KSR2: variants seen among roughly 807,000 people sequenced by gnomAD.
KSR2 encodes kinase suppressor of ras 2.
In KSR2, 25 loss-of-function variants were observed where a neutral mutation model predicts 107.8. That is an observed-to-expected ratio of 0.23 (90% CI 0.17 to 0.32). The LOEUF is 0.32. Ranked by LOEUF, KSR2 falls within the 10% of genes least tolerant of loss-of-function variation. The pLI is 1.00. For missense variants in KSR2, 887 were observed against 1,268.9 expected, an observed-to-expected ratio of 0.70 and a Z score of 4.57; for synonymous variants, 480 against 507.0, an observed-to-expected ratio of 0.95 and a Z score of 0.71.
At chr12:117,692,711 T>C (rs1207070076) in intron 4 of KSR2, among the ~76,000 whole-genome samples, 1 of 151,894 alleles carries the variant, frequency 6.6e-6, no homozygotes, top group Non-Finnish European at 1.5e-5. Context: ...CAATGGAATA[T>C]TAGCCACCCA....
At chr12:117,827,811 T>C (rs1891814113) in intron 3 of KSR2, among the ~76,000 whole-genome samples, 1 of 152,202 alleles carries the variant, frequency 6.6e-6, no homozygotes, top group African/African-American at 2.4e-5. Context: ...TAGAAGGTGA[T>C]GAAAGCACAG....
intron 10 of KSR2, among the ~76,000 whole-genome samples, chr12:117,539,014 G>C (rs968174630): frequency 6.6e-6 from 1 of 152,192 alleles, no homozygotes; most frequent in Admixed American, 6.5e-5. Context: ...TAATGACAAA[G>C]GAGGTCAGGA....
chr12:117,643,490 C>G (rs1021780871), intron 5 of KSR2, among the ~76,000 whole-genome samples: 2 of 152,230 alleles, frequency 1.3e-5, no homozygotes, highest in East Asian at 1.9e-4. Context: ...AGCCATTTAT[C>G]ATTATCATCA....
intron 5 of KSR2, among the ~76,000 whole-genome samples, chr12:117,645,695 G>T (rs1324410021): frequency 1.3e-5 from 2 of 152,160 alleles, no homozygotes. Flanking sequence ...GAACAGTGTG[G>T]CCAATCTTAG....
intron 3 of KSR2, among the ~76,000 whole-genome samples, chr12:117,766,687 G>C (rs1242463033): frequency 6.6e-6 from 1 of 152,082 alleles, no homozygotes. Context: ...GGTAGGAGAA[G>C]GCAGCCTGGA....
chr12:117,741,295 T>C (rs1888209457), intron 4 of KSR2, among the ~76,000 whole-genome samples: 1 of 151,832 alleles, frequency 6.6e-6, no homozygotes, highest in Non-Finnish European at 1.5e-5. Flanking sequence ...GGTGGGAGGA[T>C]TGCTTGACCC....
intron 5 of KSR2, among the ~76,000 whole-genome samples, chr12:117,582,824 G>A (rs1879749789): frequency 6.6e-6 from 1 of 152,212 alleles, no homozygotes; most frequent in Non-Finnish European, 1.5e-5. Context: ...CGAGGAACCT[G>A]AAATGAACAT....
At chr12:117,609,356 G>A (rs548435619) in intron 5 of KSR2, among the ~76,000 whole-genome samples, 3 of 152,208 alleles carry the variant, frequency 2.0e-5, no homozygotes, top group Non-Finnish European at 4.4e-5. Context: ...AAGAATATCA[G>A]TTGCCCCAGC....
rs530147661 is a variant in KSR2 at position 117,739,150 on chromosome 12, C to T, written c.986+21861G>A. ...GTGGGCAGATCACGAGGTCAGGAGACTGAGACTATCCTGGCTGACACGGTG... is the reference window on the plus strand; with the variant it reads ...GTGGGCAGATCACGAGGTCAGGAGATTGAGACTATCCTGGCTGACACGGTG... On this transcript the variant is annotated intron_variant, in intron 4 of 19. Coordinates refer to ENST00000339824, the MANE Select transcript of KSR2 (RefSeq NM_173598.6). Among the ~76,000 whole-genome samples, 23 of 152,220 alleles carry T rather than the reference C, an allele frequency of 1.5e-4. No homozygotes were observed. In the East Asian group the frequency reaches 1.6e-3, roughly 10 times the overall value.
intron 3 of KSR2, among the ~76,000 whole-genome samples, chr12:117,847,807 C>T (rs1892757139): frequency 6.6e-6 from 1 of 152,178 alleles, no homozygotes; most frequent in East Asian, 1.9e-4. Flanking sequence ...CGTCCCAAGG[C>T]ACTTCTGAGT....
intron 2 of KSR2, among the ~76,000 whole-genome samples, chr12:117,856,109 G>A (rs1436087953): frequency 6.6e-6 from 1 of 152,156 alleles, no homozygotes; most frequent in Non-Finnish European, 1.5e-5. Context: ...TGGAAAAGGG[G>A]CTGAAAGTCC....
chr12:117,864,545 A>G (rs1215947072), intron 1 of KSR2, among the ~76,000 whole-genome samples: 1 of 152,214 alleles, frequency 6.6e-6, no homozygotes, highest in African/African-American at 2.4e-5. Context: ...GACTGCTGTA[A>G]CAAAGTACCA....
At chr12:117,539,633 T>C in intron 10 of KSR2, 86 bp downstream of exon 10, 1 of 1,305,568 alleles carries the variant, frequency 7.7e-7, no homozygotes, top group Non-Finnish European at 1.0e-6. Context: ...ACTTGCTGCA[T>C]CAGGGCTCTG....
intron 2 of KSR2, among the ~76,000 whole-genome samples, chr12:117,857,665 T>G (rs1488527226): frequency 1.3e-5 from 2 of 152,186 alleles, no homozygotes; most frequent in Non-Finnish European, 2.9e-5. Context: ...TTTTGATAGA[T>G]TTCCTTTTAT....
chr12:117,557,623 T>A (rs1190433000), intron 8 of KSR2, among the ~76,000 whole-genome samples: 1 of 152,222 alleles, frequency 6.6e-6, no homozygotes, highest in Admixed American at 6.5e-5. Context: ...AAAAATGTTC[T>A]ATATCTGTAC....
intron 3 of KSR2, among the ~76,000 whole-genome samples, chr12:117,829,356 TC>T (rs1301783202): frequency 6.6e-6 from 1 of 152,164 alleles, no homozygotes; most frequent in Admixed American, 6.5e-5. Flanking sequence ...CCTAACCTTC[TC>T]CTATGCTCAG....
intron 4 of KSR2, among the ~76,000 whole-genome samples, chr12:117,732,840 C>T (rs554287869): frequency 6.6e-5 from 10 of 152,266 alleles, no homozygotes; most frequent in South Asian, 2.1e-4. Flanking sequence ...TGAGTCCTAA[C>T]GGGGTCCATC....
chr12:117,853,288 A>T (rs1892987728), intron 3 of KSR2, among the ~76,000 whole-genome samples: 1 of 152,252 alleles, frequency 6.6e-6, no homozygotes, highest in African/African-American at 2.4e-5. Context: ...AGGTATTAAA[A>T]ATAAGAAGTG....
At chr12:117,841,113 A>G (rs1216464066) in intron 3 of KSR2, among the ~76,000 whole-genome samples, 4 of 152,140 alleles carry the variant, frequency 2.6e-5, no homozygotes, top group Non-Finnish European at 2.9e-5. Flanking sequence ...ACACGAGTGT[A>G]TAAGTTGGTA....
Sources: allele counts gnomAD v4.1 joint callset (sites outside exome capture counted in the v4.1 genomes callset), GRCh38; gene constraint gnomAD v4.1.1; transcripts MANE v1.5; gene names NCBI Gene and HGNC (gene_info 2026-07-23, HGNC 2026-07-21).